The following GRIN2B variants were observed in gnomAD, a reference collection of about 807,000 sequenced individuals.
The protein encoded by GRIN2B is glutamate receptor ionotropic, NMDA 2B.
GRIN2B carries 5 observed loss-of-function variants against 114.5 expected under a neutral mutation model. The observed-to-expected ratio is 0.04, with a 90% confidence interval of 0.02 to 0.09. The LOEUF is 0.09. Among genes scored for constraint, GRIN2B ranks in the 10% least tolerant of loss-of-function variants. The pLI, the probability that GRIN2B is intolerant of heterozygous loss-of-function variation, is 1.00. For synonymous variants in GRIN2B, 787 were observed against 745.1 expected, an observed-to-expected ratio of 1.06 and a Z score of -0.92; for missense variants, 1,108 against 1,943.5, an observed-to-expected ratio of 0.57 and a Z score of 8.08.
chr12:13,640,901 T>G (rs1949708726), intron 5 of GRIN2B, among the ~76,000 whole-genome samples: 1 of 152,062 alleles, frequency 6.6e-6, no homozygotes, highest in African/African-American at 2.4e-5. Context: ...TTGTGAGCAA[T>G]AGTAACCATT....
intron 2 of GRIN2B, among the ~76,000 whole-genome samples, chr12:13,891,216 A>G (rs540968272): frequency 1.2e-4 from 18 of 152,332 alleles, no homozygotes; most frequent in Admixed American, 4.6e-4. Flanking sequence ...GCATGTGAAT[A>G]ATATGCAAAT....
intron 10 of GRIN2B, among the ~76,000 whole-genome samples, chr12:13,599,180 T>C (rs1949118455): frequency 6.6e-6 from 1 of 152,206 alleles, no homozygotes; most frequent in African/African-American, 2.4e-5. Context: ...TAAATGGCTC[T>C]CTGTGACCCA....
chr12:13,706,598 C>A (rs966688142), intron 4 of GRIN2B, among the ~76,000 whole-genome samples: 1 of 152,092 alleles, frequency 6.6e-6, no homozygotes, highest in Non-Finnish European at 1.5e-5. Flanking sequence ...CACATTTCCT[C>A]CTGTAGCCTG....
At chr12:13,926,941 G>T (rs971931867) in intron 2 of GRIN2B, among the ~76,000 whole-genome samples, 2 of 141,462 alleles carry the variant, frequency 1.4e-5, no homozygotes, top group African/African-American at 5.4e-5. Flanking sequence ...GACAGAGCGC[G>T]ACTCCGTCTC....
intron 4 of GRIN2B, among the ~76,000 whole-genome samples, chr12:13,727,877 T>C (rs1182398836): frequency 6.6e-6 from 1 of 152,174 alleles, no homozygotes; most frequent in Non-Finnish European, 1.5e-5. Context: ...AATCTGTCAA[T>C]AAAGGAGATA....
intron 2 of GRIN2B, among the ~76,000 whole-genome samples, chr12:13,908,885 C>T (rs1565583057): frequency 6.6e-6 from 1 of 152,132 alleles, no homozygotes; most frequent in African/African-American, 2.4e-5. Flanking sequence ...CTGATAAGTG[C>T]ATAACACGAA....
intron 4 of GRIN2B, among the ~76,000 whole-genome samples, chr12:13,735,136 G>A (rs1223862742): frequency 1.3e-5 from 2 of 152,106 alleles, no homozygotes; most frequent in Admixed American, 1.3e-4. Flanking sequence ...GAGGAAATTA[G>A]GTTTCTGCTC....
At chr12:13,912,456 T>C (rs936588030) in intron 2 of GRIN2B, among the ~76,000 whole-genome samples, 15 of 152,170 alleles carry the variant, frequency 9.9e-5, no homozygotes, top group African/African-American at 1.4e-4. Context: ...TGAAGTTACG[T>C]ATTGAACATG....
intron 3 of GRIN2B, among the ~76,000 whole-genome samples, chr12:13,784,175 G>A: frequency 7.3e-6 from 1 of 137,266 alleles, no homozygotes; most frequent in Non-Finnish European, 1.5e-5. Flanking sequence ...AGTGAGCCAA[G>A]ATCGCGCCAC....
intron 5 of GRIN2B, among the ~76,000 whole-genome samples, chr12:13,653,110 G>T (rs763671654): frequency 6.6e-6 from 1 of 152,100 alleles, no homozygotes; most frequent in Admixed American, 6.6e-5. Flanking sequence ...TGACAAAGGC[G>T]ATAAAAGAGA....
chr12:13,616,932 G>A (rs1392283734), intron 5 of GRIN2B, among the ~76,000 whole-genome samples: 2 of 152,200 alleles, frequency 1.3e-5, no homozygotes, highest in African/African-American at 4.8e-5. Context: ...AAGACCCATG[G>A]CTCAAAGAAG....
At chr12:13,888,267 T>G (rs1472955307) in intron 2 of GRIN2B, among the ~76,000 whole-genome samples, 22 of 152,246 alleles carry the variant, frequency 1.4e-4, no homozygotes, top group Middle Eastern at 3.4e-3. Context: ...TTGGTATAGC[T>G]TACTACACAC....
At chr12:13,792,773 G>GAAC (rs36013432) in intron 3 of GRIN2B, among the ~76,000 whole-genome samples, 148,654 of 152,196 alleles carry the variant, frequency 0.98, 72,694 homozygotes, top group Middle Eastern at 1. Flanking sequence ...ACTGCAATTA[G>GAAC]AACAGGAAAC....
At chr12:13,828,607 T>C (rs117973287) in intron 3 of GRIN2B, among the ~76,000 whole-genome samples, 2,136 of 152,314 alleles carry the variant, frequency 0.014, 21 homozygotes, top group Middle Eastern at 0.02. Flanking sequence ...ACCTCAGTCC[T>C]GGAATTATCT....
chr12:13,852,734 C>T (rs1865591658), intron 3 of GRIN2B, among the ~76,000 whole-genome samples: 1 of 149,786 alleles, frequency 6.7e-6, no homozygotes, highest in South Asian at 2.1e-4. Context: ...TCACACGTGG[C>T]AAGAGGTCAC....
chr12:13,712,068 G>A (rs1387424258), intron 4 of GRIN2B, among the ~76,000 whole-genome samples: 2 of 152,128 alleles, frequency 1.3e-5, no homozygotes, highest in Non-Finnish European at 1.5e-5. Context: ...ATGAGTTCAT[G>A]TCCTTTGTAG....
At chr12:13,949,548 G>T (rs1565597344) in intron 2 of GRIN2B, among the ~76,000 whole-genome samples, 1 of 152,176 alleles carries the variant, frequency 6.6e-6, no homozygotes, top group Non-Finnish European at 1.5e-5. Flanking sequence ...GACATAAGGT[G>T]CTTCAACTGT....
chr12:13,583,655 C>A (rs553987273), intron 10 of GRIN2B, among the ~76,000 whole-genome samples: 2 of 152,216 alleles, frequency 1.3e-5, no homozygotes, highest in East Asian at 3.9e-4. Context: ...GGAGGCTGCA[C>A]AGAGCAGGCA....
chr12:13,615,946 A>G lies in GRIN2B; in HGVS notation c.1329-282T>C, dbSNP rs1315343131. 1.3e-5 allele frequency among the ~76,000 whole-genome samples: 2 copies of G among 152,182 alleles called. No individual in the cohort carries two copies. The highest frequency in any genetic ancestry group is 1.5e-5 in the Non-Finnish European group (1 of 68,036). On this transcript the variant is annotated intron_variant, in intron 6 of 13. Coordinates refer to ENST00000609686, the MANE Select transcript of GRIN2B (RefSeq NM_000834.5). The surrounding 1 kb of genome is among the most constrained non-coding windows in gnomAD (Gnocchi z 5.8). Reference sequence around the variant, plus strand: ...GTGCATATTTGAAGGCTTCAGTTCAATGACTTTTCAGACTGAACTCTTATT... The same window carrying G: ...GTGCATATTTGAAGGCTTCAGTTCAGTGACTTTTCAGACTGAACTCTTATT...
Sources: gnomAD v4.1 joint callset for allele counts (sites outside exome capture counted in the v4.1 genomes callset) on GRCh38, gnomAD v4.1.1 for gene constraint, Gnocchi (gnomAD v3.1) non-coding constraint, MANE v1.5 for transcripts, NCBI Gene and HGNC (gene_info 2026-07-23, HGNC 2026-07-21) for gene names.